ALK: variants seen among roughly 807,000 people sequenced by gnomAD.
ALK encodes ALK receptor tyrosine kinase.
Under a neutral mutation model 163.1 loss-of-function variants are expected in ALK, and 74 were observed. That is an observed-to-expected ratio of 0.45 (90% confidence interval 0.38 to 0.55). ALK has a LOEUF of 0.55. ALK is among the 20% of genes least tolerant of loss of function. The probability of loss-of-function intolerance (pLI) is 0.00; values close to 1 mark genes in which losing one functional copy is unlikely to be tolerated. For missense variants in ALK, 2,063 were observed against 2,105.3 expected, an observed-to-expected ratio of 0.98 and a Z score of 0.39; for synonymous variants, 960 against 843.2, an observed-to-expected ratio of 1.14 and a Z score of -2.40.
rs753812162 is a variant in ALK, at chr2:29,920,284, C to T, written c.376G>A (p.Val126Met). ...APAEARTLSR[V>M]LKGGSVRKLR... Reference sequence around the variant, plus strand: ...TTGCGCACGGAGCCGCCCTTCAGCACCCTGGACAGCGTCCGGGCCTCTGCC... The same window carrying T: ...TTGCGCACGGAGCCGCCCTTCAGCATCCTGGACAGCGTCCGGGCCTCTGCC... The change falls in exon 1 of 29, where the codon GTG becomes ATG. Residue 126 changes from valine (V) to methionine (M), a missense_variant. Val to Met is a conservative substitution (Grantham distance 21, BLOSUM62 1). Coordinates refer to ENST00000389048, the MANE Select transcript of ALK (RefSeq NM_004304.5). 5 of 1,580,162 alleles carry T rather than the reference C, an allele frequency of 3.2e-6. No individual in the cohort carries two copies. The highest frequency in any genetic ancestry group is 3.7e-5 in the Admixed American group (2 of 54,696).
At chr2:29,248,185 A>G (rs1221809482) in intron 12 of ALK, among the ~76,000 whole-genome samples, 1 of 152,180 alleles carries the variant, frequency 6.6e-6, no homozygotes, top group Non-Finnish European at 1.5e-5. Context: ...TTCAAAAACA[A>G]CAGTGACTGG....
rs78084022 is a variant in ALK at position 29,859,738 on chromosome 2, G to A, written c.667+60255C>T. On this transcript the variant is annotated intron_variant, in intron 1 of 28. Coordinates refer to ENST00000389048, the MANE Select transcript of ALK (RefSeq NM_004304.5). ...TGAACAGGAAACCCAGAGGAAGGAT[G>A]TCAGGGGAGGAGAAGACGGTTTGGT... Among the ~76,000 whole-genome samples the A allele has an allele frequency of 3.2e-3, 490 of 152,308 alleles. 1 individual carries two copies. Among genetic ancestry groups the A allele is most frequent in the African/African-American group, 0.011 (448 of 41,564 alleles).
chr2:29,589,784 C>T (rs1258390983), intron 3 of ALK, among the ~76,000 whole-genome samples: 1 of 152,192 alleles, frequency 6.6e-6, no homozygotes, highest in Non-Finnish European at 1.5e-5. Context: ...TTACCTAGAT[C>T]AAAAGAATCT....
At chr2:29,780,265 C>A (rs1367573070) in intron 1 of ALK, among the ~76,000 whole-genome samples, 1 of 152,152 alleles carries the variant, frequency 6.6e-6, no homozygotes, top group Non-Finnish European at 1.5e-5. Flanking sequence ...TGTCCATGGA[C>A]CTGAGATTGC....
At chr2:29,362,335 C>T (rs114120653) in intron 5 of ALK, among the ~76,000 whole-genome samples, 1 of 152,114 alleles carries the variant, frequency 6.6e-6, no homozygotes. Context: ...CACAATCTGG[C>T]ACATAGTATT....
chr2:29,723,200 A>C (rs1052899111), intron 1 of ALK, among the ~76,000 whole-genome samples: 11 of 151,982 alleles, frequency 7.2e-5, no homozygotes, highest in Admixed American at 1.3e-4. Context: ...ATTTTCCCTC[A>C]TTGCTGGAGC....
intron 1 of ALK, among the ~76,000 whole-genome samples, chr2:29,780,806 C>T (rs1681311838): frequency 6.6e-6 from 1 of 152,218 alleles, no homozygotes; most frequent in African/African-American, 2.4e-5. Flanking sequence ...GTTGATGAAG[C>T]TCTGACTTTA....
chr2:29,199,564 A>C (rs1231571174), intron 26 of ALK, among the ~76,000 whole-genome samples: 1 of 152,210 alleles, frequency 6.6e-6, no homozygotes, highest in East Asian at 1.9e-4. Flanking sequence ...ACTCACGATT[A>C]AAAACAGGTC....
chr2:29,619,766 T>C (rs1675974122), intron 3 of ALK, among the ~76,000 whole-genome samples: 1 of 152,172 alleles, frequency 6.6e-6, no homozygotes, highest in Non-Finnish European at 1.5e-5. Context: ...CCCTCCTGGG[T>C]TGTCAAACAA....
In ALK at chr2:29,423,363, A is replaced by G. The variant is rs761779033; in HGVS notation, c.1155-39504T>C. Among the ~76,000 whole-genome samples, 51 of 152,348 alleles carry G rather than the reference A, an allele frequency of 3.3e-4. 1 individual carries two copies. The highest frequency in any genetic ancestry group is 6.2e-4 in the Non-Finnish European group (42 of 68,026). ...CCCCAAAGCCCTTGCGTTTTCCACC[A>G]CATTGCATTGACCTGGCCAACAATG... On this transcript the variant is annotated intron_variant, in intron 4 of 28. Coordinates refer to ENST00000389048, the MANE Select transcript of ALK (RefSeq NM_004304.5).
intron 4 of ALK, among the ~76,000 whole-genome samples, chr2:29,449,049 G>A (rs1428154046): frequency 6.6e-6 from 1 of 152,076 alleles, no homozygotes; most frequent in Non-Finnish European, 1.5e-5. Flanking sequence ...ATTGCACAAA[G>A]GCCATAAACA....
At position 29,470,559 on chromosome 2, in the gene ALK, G is replaced by A. The variant is rs532187930; in HGVS notation, c.1154+61356C>T. On this transcript the variant is annotated intron_variant, in intron 4 of 28. Transcript: ENST00000389048. ...GACTTCAACAGAGGCAAGGAAGGCC[G>A]AAAGAGAACAGAGTGATGTCTTTAA... is the stretch of plus-strand genomic sequence containing the variant. Among the ~76,000 whole-genome samples the A allele has an allele frequency of 2.2e-3, 328 of 152,292 alleles. 2 individuals carry two copies. Among genetic ancestry groups the A allele is most frequent in the South Asian group, 6.2e-3 (30 of 4,822 alleles).
intron 4 of ALK, among the ~76,000 whole-genome samples, chr2:29,471,926 A>T (rs1173323877): frequency 1.3e-5 from 2 of 152,138 alleles, no homozygotes; most frequent in Non-Finnish European, 2.9e-5. Context: ...TGTTTTTAGT[A>T]GAGATGGGGT....
chr2:29,852,318 G>A (rs927923550), intron 1 of ALK, among the ~76,000 whole-genome samples: 1 of 152,162 alleles, frequency 6.6e-6, no homozygotes, highest in African/African-American at 2.4e-5. Flanking sequence ...GAGGCTGTGA[G>A]CCATCTGTTC....
chr2:29,639,227 C>G (rs1295889668), intron 3 of ALK, among the ~76,000 whole-genome samples: 1 of 152,130 alleles, frequency 6.6e-6, no homozygotes, highest in Admixed American at 6.5e-5. Flanking sequence ...ACTCACACTT[C>G]TGGGTCACCT....
chr2:29,378,278 G>T (rs1353935295), intron 5 of ALK, among the ~76,000 whole-genome samples: 1 of 152,202 alleles, frequency 6.6e-6, no homozygotes, highest in Non-Finnish European at 1.5e-5. Context: ...AGCACCTTGG[G>T]CTGGTCAGTA....
intron 4 of ALK, among the ~76,000 whole-genome samples, chr2:29,403,435 C>T (rs144124576): frequency 6.6e-4 from 101 of 152,220 alleles, no homozygotes; most frequent in African/African-American, 2.2e-3. Context: ...AAGCTCATGA[C>T]GCTCCTGAAG....
intron 1 of ALK, among the ~76,000 whole-genome samples, chr2:29,771,845 A>G (rs2148344781): frequency 6.6e-6 from 1 of 152,292 alleles, no homozygotes; most frequent in African/African-American, 2.4e-5. Context: ...GCACCCTGGA[A>G]TTCTATACCC....
At chr2:29,664,868 C>T (rs1344731564) in intron 3 of ALK, among the ~76,000 whole-genome samples, 5 of 152,128 alleles carry the variant, frequency 3.3e-5, no homozygotes, top group Non-Finnish European at 5.9e-5. Flanking sequence ...ATATCACTTA[C>T]GGAGGTTCAG....
Sources: allele counts gnomAD v4.1 joint callset (sites outside exome capture counted in the v4.1 genomes callset), GRCh38; gene constraint gnomAD v4.1.1; transcripts MANE v1.5; gene names NCBI Gene and HGNC (gene_info 2026-07-23, HGNC 2026-07-21).